FGF13: variants seen among roughly 807,000 people sequenced by gnomAD.
FGF13 encodes the protein fibroblast growth factor 13, also known as fibroblast growth factor homologous factor 2.
In FGF13, 2 loss-of-function variants were observed where a neutral mutation model predicts 19.5. That is an observed-to-expected ratio of 0.10 (90% CI 0.04 to 0.32). FGF13 has a LOEUF of 0.32. Among genes scored for constraint, FGF13 ranks in the 10% least tolerant of loss-of-function variants. The pLI is 1.00. For missense variants in FGF13, 113 were observed against 192.7 expected, an observed-to-expected ratio of 0.59 and a Z score of 2.45; for synonymous variants, 72 against 76.9, an observed-to-expected ratio of 0.94 and a Z score of 0.33.
chrX:138,708,343 A>G (rs1382870364), intron 2 of FGF13, among the ~76,000 whole-genome samples: 2 of 111,944 alleles, frequency 1.8e-5, no homozygotes, highest in Non-Finnish European at 3.8e-5. Context: ...AGGTATCTCA[A>G]TGTTAAAATT....
chrX:139,154,805 T>A lies in FGF13; in HGVS notation c.-113+48611A>T, dbSNP rs2301395. On this transcript the variant is annotated intron_variant, in intron 1 of 2. Transcript: ENST00000421460. ...AACAACAAACTGCAAGCAGCTACCA[T>A]GTCTTGGGTAGTTCTTTTAATTTGT... 7.6e-3 allele frequency among the ~76,000 whole-genome samples: 849 copies of A among 112,222 alleles called. 21 individuals carry two copies. Among genetic ancestry groups the A allele is most frequent in the Admixed American group, 0.059 (621 of 10,562 alleles).
At chrX:139,156,285 T>A (rs972423682) in intron 1 of FGF13, among the ~76,000 whole-genome samples, 2 of 111,561 alleles carry the variant, frequency 1.8e-5, no homozygotes, top group African/African-American at 6.5e-5. Flanking sequence ...ACCTCCCCTC[T>A]CCCCTCACAT....
At chrX:138,940,193 T>A (rs1445538586) in intron 1 of FGF13, among the ~76,000 whole-genome samples, 5 of 112,015 alleles carry the variant, frequency 4.5e-5, no homozygotes, top group Non-Finnish European at 1.9e-5. Flanking sequence ...TTTTTTTATA[T>A]CCTTATTGGC....
At chrX:139,036,384 T>G (rs749133647) in intron 1 of FGF13, among the ~76,000 whole-genome samples, 1 of 111,648 alleles carries the variant, frequency 9.0e-6, no homozygotes, top group African/African-American at 3.3e-5. Flanking sequence ...CTACTTCTTC[T>G]TATCATCTAC....
At chrX:138,848,425 C>T (rs2091198672) in intron 3 of FGF13, among the ~76,000 whole-genome samples, 1 of 110,972 alleles carries the variant, frequency 9.0e-6, no homozygotes, top group African/African-American at 3.3e-5. Context: ...CCTGTTAGCA[C>T]ATTAGAATCA....
chrX:138,695,576 C>CTG (rs1189944238), intron 3 of FGF13, among the ~76,000 whole-genome samples: 4 of 111,159 alleles, frequency 3.6e-5, no homozygotes, highest in South Asian at 3.8e-4. Flanking sequence ...GCTCAGAAAA[C>CTG]TGTGTGTGTG....
intron 3 of FGF13, among the ~76,000 whole-genome samples, chrX:138,758,793 A>G (rs901405909): frequency 4.4e-5 from 5 of 112,695 alleles, no homozygotes; most frequent in African/African-American, 1.6e-4. Context: ...TCTATTCCAT[A>G]TAACAGTCAT....
At chrX:138,814,338 A>G (rs1181909189) in intron 3 of FGF13, among the ~76,000 whole-genome samples, 2 of 110,847 alleles carry the variant, frequency 1.8e-5, no homozygotes, top group African/African-American at 6.5e-5. Context: ...TAAATCATCT[A>G]TAATTTAAAG....
At chrX:139,002,846 A>G in intron 1 of FGF13, among the ~76,000 whole-genome samples, 1 of 111,848 alleles carries the variant, frequency 8.9e-6, no homozygotes, top group Non-Finnish European at 1.9e-5. Context: ...CTGACTAAAG[A>G]GCCCTTGGGC....
chrX:138,871,823 G>A (rs1244830217), intron 1 of FGF13, among the ~76,000 whole-genome samples: 1 of 111,825 alleles, frequency 8.9e-6, no homozygotes, highest in Non-Finnish European at 1.9e-5. Context: ...GAAGAGGAGA[G>A]AGGTAGGAGA....
intron 1 of FGF13, among the ~76,000 whole-genome samples, chrX:138,904,354 T>C (rs184891197): frequency 3.2e-4 from 36 of 111,586 alleles, no homozygotes; most frequent in African/African-American, 1.1e-3. Context: ...TAGTTGGAAC[T>C]GTGTTGATGT....
intron 3 of FGF13, among the ~76,000 whole-genome samples, chrX:138,745,297 T>G (rs1388650266): frequency 3.6e-5 from 4 of 112,078 alleles, no homozygotes; most frequent in African/African-American, 6.5e-5. Flanking sequence ...ATACATAATT[T>G]TCTGGCAACG....
At chrX:139,148,858 T>C (rs2083910993) in intron 1 of FGF13, among the ~76,000 whole-genome samples, 1 of 110,803 alleles carries the variant, frequency 9.0e-6, no homozygotes, top group South Asian at 3.9e-4. Context: ...CTGGGAAATA[T>C]GGTGACAATA....
intron 3 of FGF13, among the ~76,000 whole-genome samples, chrX:138,824,717 A>G (rs1490115751): frequency 9.0e-6 from 1 of 111,587 alleles, no homozygotes; most frequent in African/African-American, 3.3e-5. Context: ...ATATTCAAAG[A>G]GCCCATGATA....
chrX:139,150,373 T>G (rs2083924839), intron 1 of FGF13, among the ~76,000 whole-genome samples: 1 of 112,232 alleles, frequency 8.9e-6, no homozygotes, highest in South Asian at 3.7e-4. Flanking sequence ...TAACACATTT[T>G]AAAAAGACAC....
intron 1 of FGF13, among the ~76,000 whole-genome samples, chrX:139,116,761 T>C (rs1603207584): frequency 9.1e-6 from 1 of 109,931 alleles, no homozygotes; most frequent in African/African-American, 3.3e-5. Context: ...GGAATATTAG[T>C]GAGGGAAGGA....
chrX:138,920,850 C>T (rs750933090), intron 1 of FGF13, among the ~76,000 whole-genome samples: 68 of 111,301 alleles, frequency 6.1e-4, no homozygotes, highest in Non-Finnish European at 1.1e-3. Flanking sequence ...TCTATGAACT[C>T]GGCCAACTAT....
chrX:139,022,666 ACCAAGGATAGCAAC>A (rs1181587748), intron 1 of FGF13, among the ~76,000 whole-genome samples: 5 of 111,072 alleles, frequency 4.5e-5, no homozygotes, highest in Non-Finnish European at 9.5e-5. Context: ...AGATGTACCC[ACCAAGGATAGCAAC>A]CCAAAGTTGC....
At chrX:139,099,043 A>T (rs1474329194) in intron 1 of FGF13, among the ~76,000 whole-genome samples, 2 of 110,896 alleles carry the variant, frequency 1.8e-5, no homozygotes, top group African/African-American at 6.6e-5. Flanking sequence ...GCTAGGAGAA[A>T]ATGGGAGCTG....
Sources: gnomAD v4.1 joint callset for allele counts (sites outside exome capture counted in the v4.1 genomes callset) on GRCh38, gnomAD v4.1.1 for gene constraint, MANE v1.5 for transcripts, NCBI Gene and HGNC (gene_info 2026-07-23, HGNC 2026-07-21) for gene names.